TMEM132E: variants seen among roughly 807,000 people sequenced by gnomAD.
The protein encoded by TMEM132E is transmembrane protein 132E.
In TMEM132E, 49 loss-of-function variants were observed where a neutral mutation model predicts 78.5. The ratio of observed to expected loss-of-function variants is 0.62; its 90% confidence interval spans 0.50 to 0.79. The LOEUF is 0.79. Ranked by LOEUF, TMEM132E falls within the 30% of genes least tolerant of loss-of-function variation. The pLI, the probability that TMEM132E is intolerant of heterozygous loss-of-function variation, is 0.00. For missense variants in TMEM132E, 1,403 were observed against 1,470.9 expected (o/e 0.95, Z 0.75); for synonymous variants, 715 against 670.6 (o/e 1.07, Z -1.02).
At chr17:34,629,291 T>G in intron 4 of TMEM132E, 87 bp downstream of exon 4, 2 of 1,420,034 alleles carry the variant, frequency 1.4e-6, no homozygotes, top group Non-Finnish European at 1.9e-6. Context: ...CCACTGAGTA[T>G]ATGTACAAAT....
intron 1 of TMEM132E, among the ~76,000 whole-genome samples, chr17:34,581,948 C>G (rs1472975414): frequency 6.6e-6 from 1 of 152,008 alleles, no homozygotes; most frequent in Non-Finnish European, 1.5e-5. Context: ...TTGAACAGCC[C>G]CCAAGAATGG....
chr17:34,604,763 A>G (rs943415663), intron 1 of TMEM132E, among the ~76,000 whole-genome samples: 1 of 152,198 alleles, frequency 6.6e-6, no homozygotes, highest in Non-Finnish European at 1.5e-5. Flanking sequence ...ATGAAGTCCA[A>G]AGTCTAATGA....
intron 1 of TMEM132E, among the ~76,000 whole-genome samples, chr17:34,613,004 A>T (rs1276573226): frequency 6.6e-6 from 1 of 151,912 alleles, no homozygotes. Flanking sequence ...TGCACCTCTA[A>T]GGCTGCTGTT....
At chr17:34,598,977 T>A (rs762160921) in intron 1 of TMEM132E, among the ~76,000 whole-genome samples, 1 of 152,230 alleles carries the variant, frequency 6.6e-6, no homozygotes, top group African/African-American at 2.4e-5. Flanking sequence ...AACCTTTACT[T>A]ACACTTCCAG....
At chr17:34,606,563 C>T (rs1285010626) in intron 1 of TMEM132E, among the ~76,000 whole-genome samples, 4 of 152,164 alleles carry the variant, frequency 2.6e-5, no homozygotes, top group Non-Finnish European at 5.9e-5. Context: ...ATTTGTTCTG[C>T]CCCACAGCTC....
At chr17:34,585,363 G>A (rs774057004) in intron 1 of TMEM132E, among the ~76,000 whole-genome samples, 2 of 152,174 alleles carry the variant, frequency 1.3e-5, no homozygotes, top group Non-Finnish European at 2.9e-5. Context: ...GAGTGCTGGC[G>A]ATGCTGCAGA....
intron 1 of TMEM132E, among the ~76,000 whole-genome samples, chr17:34,587,206 G>A (rs952959645): frequency 3.9e-5 from 6 of 152,124 alleles, no homozygotes; most frequent in African/African-American, 1.4e-4. Flanking sequence ...CAGACCCCAC[G>A]GGGCCCTGGC....
chr17:34,599,297 C>T (rs1235412863), intron 1 of TMEM132E, among the ~76,000 whole-genome samples: 1 of 152,162 alleles, frequency 6.6e-6, no homozygotes, highest in East Asian at 1.9e-4. Context: ...TAAGGAACAC[C>T]CCACCACGGG....
chr17:34,606,873 A>G (rs552957372), intron 1 of TMEM132E, among the ~76,000 whole-genome samples: 9 of 151,526 alleles, frequency 5.9e-5, no homozygotes, highest in Non-Finnish European at 1.0e-4. Context: ...CTCCCCACTC[A>G]CTCGCTCTCT....
At chr17:34,597,367 A>G (rs1906096330) in intron 1 of TMEM132E, among the ~76,000 whole-genome samples, 1 of 152,110 alleles carries the variant, frequency 6.6e-6, no homozygotes, top group Admixed American at 6.5e-5. Flanking sequence ...GCTCCTTTAT[A>G]GAGCCTCATT....
intron 1 of TMEM132E, among the ~76,000 whole-genome samples, chr17:34,592,684 G>A (rs528042679): frequency 7.2e-5 from 11 of 152,140 alleles, no homozygotes; most frequent in African/African-American, 2.7e-4. Flanking sequence ...TTGAGGATGG[G>A]GCCACTGCAG....
At chr17:34,601,767 G>A (rs980507890) in intron 1 of TMEM132E, among the ~76,000 whole-genome samples, 1 of 152,150 alleles carries the variant, frequency 6.6e-6, no homozygotes, top group African/African-American at 2.4e-5. Flanking sequence ...CTGGCTACAG[G>A]GCTACCTCTC....
intron 1 of TMEM132E, among the ~76,000 whole-genome samples, chr17:34,596,535 C>T (rs1168657855): frequency 6.6e-6 from 1 of 152,060 alleles, no homozygotes; most frequent in African/African-American, 2.4e-5. Flanking sequence ...TATGCAGGTG[C>T]CCCAGTCACA....
chr17:34,596,697 C>A (rs1906070482), intron 1 of TMEM132E, among the ~76,000 whole-genome samples: 1 of 151,984 alleles, frequency 6.6e-6, no homozygotes, highest in Admixed American at 6.5e-5. Flanking sequence ...TGGGACAGAA[C>A]CCTGCAGGTC....
intron 5 of TMEM132E, among the ~76,000 whole-genome samples, chr17:34,630,928 C>T (rs374138775): frequency 1.3e-5 from 2 of 152,162 alleles, no homozygotes; most frequent in African/African-American, 4.8e-5. Flanking sequence ...TGGCTTTGAA[C>T]AGTGGTCAGA....
intron 1 of TMEM132E, among the ~76,000 whole-genome samples, chr17:34,605,935 C>CA (rs1220965158): frequency 1.3e-5 from 2 of 152,318 alleles, no homozygotes; most frequent in East Asian, 3.9e-4. Flanking sequence ...AAATCTCATC[C>CA]ACTAAACCAA....
At chr17:34,635,945 G>T (rs1907504435) in intron 7 of TMEM132E, 62 bp from the exon 8 acceptor site, 3 of 1,314,144 alleles carry the variant, frequency 2.3e-6, no homozygotes, top group Non-Finnish European at 2.9e-6. Flanking sequence ...CCTAGCTGGG[G>T]GTCTTGGGCA....
intron 1 of TMEM132E, among the ~76,000 whole-genome samples, chr17:34,615,666 TA>T (rs767289555): frequency 2.0e-5 from 3 of 149,982 alleles, no homozygotes; most frequent in Non-Finnish European, 4.4e-5. Flanking sequence ...TGCCAGGGAT[TA>T]AAAAAAAACA....
intron 1 of TMEM132E, among the ~76,000 whole-genome samples, chr17:34,605,266 C>A (rs1906375834): frequency 6.6e-6 from 1 of 152,212 alleles, no homozygotes; most frequent in Non-Finnish European, 1.5e-5. Context: ...CTCAGCCCAG[C>A]TTCGGAACCA....
Sources: gnomAD v4.1 joint callset for allele counts (sites outside exome capture counted in the v4.1 genomes callset) on GRCh38, gnomAD v4.1.1 for gene constraint, MANE v1.5 for transcripts, NCBI Gene and HGNC (gene_info 2026-07-23, HGNC 2026-07-21) for gene names.